LRBA: variants seen among roughly 807,000 people sequenced by gnomAD.
LRBA encodes lipopolysaccharide-responsive and beige-like anchor protein.
A neutral mutation model predicts 330.0 loss-of-function variants in LRBA; 176 were observed. That is an observed-to-expected ratio of 0.53 (90% confidence interval 0.47 to 0.60). The LOEUF (loss-of-function observed/expected upper bound fraction) is 0.60, where lower values mean the gene tolerates loss of function less well. Among genes scored for constraint, LRBA ranks in the 20% least tolerant of loss-of-function variants. LRBA has a pLI of 0.00. For synonymous variants in LRBA, 1,230 were observed against 1,193.0 expected, an observed-to-expected ratio of 1.03 and a Z score of -0.64; for missense variants, 3,259 against 3,444.8, an observed-to-expected ratio of 0.95 and a Z score of 1.35.
intron 35 of LRBA, among the ~76,000 whole-genome samples, chr4:150,742,848 T>C (rs1434953574): frequency 6.6e-6 from 1 of 152,116 alleles, no homozygotes; most frequent in Non-Finnish European, 1.5e-5. Context: ...CAGTGAACCA[T>C]GATGGCATCA....
intron 48 of LRBA, among the ~76,000 whole-genome samples, chr4:150,338,303 A>G (rs1735015057): frequency 6.6e-6 from 1 of 152,220 alleles, no homozygotes; most frequent in Non-Finnish European, 1.5e-5. Flanking sequence ...CATTTTCAAA[A>G]GGAAATTTAA....
At position 150,590,746 on chromosome 4, in the gene LRBA, A is replaced by G. The variant is rs1397836698; in HGVS notation, c.6160T>C (p.Ser2054Pro). The G allele has an allele frequency of 1.2e-6, 2 of 1,614,022 alleles. No homozygotes were observed. The highest frequency in any genetic ancestry group is 8.5e-7 in the Non-Finnish European group (1 of 1,179,960). ...LLEGDDDTLS[S>P]VDEKDLENLA... Reference sequence around the variant, plus strand: ...TTCTCTAAATCTTTCTCATCCACGGATGACAGAGTATCATCATCGCCTTCC... The same window carrying G: ...TTCTCTAAATCTTTCTCATCCACGGGTGACAGAGTATCATCATCGCCTTCC... Residue 2054 changes from serine to proline, a missense_variant, in exon 39 of 57, where the codon TCC (serine) becomes CCC (proline). By Grantham distance (74) the Ser-to-Pro change is moderately conservative. Transcript: ENST00000651943.
intron 2 of LRBA, chr4:150,970,558 C>CGTGTGTGT (rs886585528): frequency 1.0e-4 from 1 of 9,984 alleles, no homozygotes; most frequent in African/African-American, 2.1e-4. Context: ...TGTGTGTGTA[C>CGTGTGTGT]ACACACACAC....
intron 36 of LRBA, among the ~76,000 whole-genome samples, chr4:150,684,441 C>T (rs1363308534): frequency 6.6e-6 from 1 of 152,104 alleles, no homozygotes; most frequent in Non-Finnish European, 1.5e-5. Flanking sequence ...CAGGCCCCAC[C>T]CCAAATCTAT....
intron 40 of LRBA, among the ~76,000 whole-genome samples, chr4:150,547,514 G>A (rs1168127488): frequency 1.3e-5 from 2 of 152,126 alleles, no homozygotes; most frequent in African/African-American, 4.8e-5. Flanking sequence ...GACAAGTTAA[G>A]ATTACTGACC....
chr4:150,780,642 T>C (rs199677085), intron 34 of LRBA, among the ~76,000 whole-genome samples: 2 of 6,446 alleles, frequency 3.1e-4, no homozygotes, highest in African/African-American at 6.1e-4. Context: ...TATATATATA[T>C]ATATGTGTAT....
At chr4:150,799,223 T>C (rs1395770782) in intron 33 of LRBA, among the ~76,000 whole-genome samples, 3 of 152,184 alleles carry the variant, frequency 2.0e-5, no homozygotes, top group African/African-American at 7.2e-5. Context: ...TGAAAAAATA[T>C]GTAACATAGA....
At chr4:150,766,126 C>A (rs973061694) in intron 34 of LRBA, among the ~76,000 whole-genome samples, 1 of 151,880 alleles carries the variant, frequency 6.6e-6, no homozygotes, top group Non-Finnish European at 1.5e-5. Flanking sequence ...TATTTGTTAA[C>A]CTTCAGTAAT....
intron 36 of LRBA, among the ~76,000 whole-genome samples, chr4:150,716,080 C>A (rs1323358492): frequency 6.6e-6 from 1 of 152,000 alleles, no homozygotes; most frequent in African/African-American, 2.4e-5. Flanking sequence ...GAAGTGGAAC[C>A]AGTTTCCTTC....
At chr4:150,762,866 C>G (rs1735284092) in intron 34 of LRBA, among the ~76,000 whole-genome samples, 1 of 151,912 alleles carries the variant, frequency 6.6e-6, no homozygotes, top group East Asian at 1.9e-4. Context: ...AGTGTAATAA[C>G]TCTAAGACTT....
At chr4:150,696,399 G>A (rs1784620179) in intron 36 of LRBA, among the ~76,000 whole-genome samples, 1 of 152,154 alleles carries the variant, frequency 6.6e-6, no homozygotes, top group Non-Finnish European at 1.5e-5. Flanking sequence ...TCATGCTTAA[G>A]CAAGTTATTT....
At chr4:150,660,394 G>A (rs1309331099) in intron 37 of LRBA, among the ~76,000 whole-genome samples, 1 of 136,374 alleles carries the variant, frequency 7.3e-6, no homozygotes, top group Non-Finnish European at 1.6e-5. Flanking sequence ...CCGTCCGGGA[G>A]GTGAGGGGCG....
At chr4:150,766,318 T>C (rs1460123745) in intron 34 of LRBA, among the ~76,000 whole-genome samples, 1 of 152,086 alleles carries the variant, frequency 6.6e-6, no homozygotes, top group Non-Finnish European at 1.5e-5. Context: ...ATTATTACCA[T>C]TTAATAAAAT....
chr4:150,273,298 G>C (rs527893827), intron 56 of LRBA, among the ~76,000 whole-genome samples: 1 of 152,246 alleles, frequency 6.6e-6, no homozygotes, highest in South Asian at 2.1e-4. Flanking sequence ...CCTTACAAGA[G>C]CTCCTGAAGG....
chr4:150,451,591 A>C (rs1753351139), intron 44 of LRBA, among the ~76,000 whole-genome samples: 1 of 152,214 alleles, frequency 6.6e-6, no homozygotes, highest in Non-Finnish European at 1.5e-5. Context: ...AAATGCTTAT[A>C]TTAAAAAGAA....
chr4:150,328,533 A>T (rs1316276968), intron 48 of LRBA, among the ~76,000 whole-genome samples: 3 of 152,100 alleles, frequency 2.0e-5, no homozygotes, highest in African/African-American at 7.2e-5. Context: ...CAGGGGTGAA[A>T]CCATCCCTAA....
At chr4:150,731,687 G>T (rs1003199018) in intron 36 of LRBA, among the ~76,000 whole-genome samples, 1 of 152,132 alleles carries the variant, frequency 6.6e-6, no homozygotes, top group East Asian at 1.9e-4. Context: ...GGTTACCAGA[G>T]GCTAGGAAGG....
At chr4:150,492,766 C>T (rs1759124502) in intron 40 of LRBA, among the ~76,000 whole-genome samples, 1 of 152,136 alleles carries the variant, frequency 6.6e-6, no homozygotes, top group African/African-American at 2.4e-5. Context: ...ACTCATTCTT[C>T]CTCAGGGCTT....
intron 47 of LRBA, among the ~76,000 whole-genome samples, chr4:150,381,316 C>T (rs914194973): frequency 1.3e-5 from 2 of 152,190 alleles, no homozygotes; most frequent in East Asian, 3.9e-4. Context: ...CCTTTCATCA[C>T]ACCAAAAAGA....
Sources: allele counts gnomAD v4.1 joint callset (sites outside exome capture counted in the v4.1 genomes callset), GRCh38; gene constraint gnomAD v4.1.1; transcripts MANE v1.5; gene names NCBI Gene and HGNC (gene_info 2026-07-23, HGNC 2026-07-21).